The following DCC variants were observed in gnomAD, a reference collection of about 807,000 sequenced individuals.
DCC encodes the protein netrin receptor DCC.
A neutral mutation model predicts 172.5 loss-of-function variants in DCC; 58 were observed. The ratio of observed to expected loss-of-function variants is 0.34; its 90% CI spans 0.27 to 0.42. The LOEUF is 0.42. DCC is among the 10% of genes least tolerant of loss of function. DCC has a pLI of 1.00. For synonymous variants in DCC, 709 were observed against 644.5 expected (o/e 1.10, Z -1.52); for missense variants, 1,740 against 1,791.0 (o/e 0.97, Z 0.51).
rs1244372079 is a variant in DCC at position 52,478,690 on chromosome 18, G to A, written c.91+137812G>A. 2.6e-5 allele frequency among the ~76,000 whole-genome samples: 4 copies of A among 152,314 alleles called. No individual in the cohort carries two copies. In the East Asian group the frequency reaches 7.7e-4, roughly 29 times the overall value. On this transcript the variant is annotated intron_variant, in intron 1 of 28. Coordinates refer to ENST00000442544, the MANE Select transcript of DCC (RefSeq NM_005215.4). Reference sequence around the variant, plus strand: ...CATGGGGGAGCAGACACATAACATAGCCACAGCAGGAGCAGGAGAGATCAT... The same window carrying A: ...CATGGGGGAGCAGACACATAACATAACCACAGCAGGAGCAGGAGAGATCAT...
chr18:53,263,026 G>T (rs1024831179), intron 12 of DCC, among the ~76,000 whole-genome samples: 3 of 152,176 alleles, frequency 2.0e-5, no homozygotes, highest in Non-Finnish European at 2.9e-5. Flanking sequence ...ATAAGAACTG[G>T]ATTTGGGGGT....
At chr18:53,267,278 C>T (rs144568706) in intron 12 of DCC, among the ~76,000 whole-genome samples, 7 of 152,016 alleles carry the variant, frequency 4.6e-5, no homozygotes, top group Non-Finnish European at 8.8e-5. Flanking sequence ...CCTCTACCTC[C>T]TAGGTTCAAG....
chr18:52,651,800 A>G (rs1451832001), intron 1 of DCC, among the ~76,000 whole-genome samples: 1 of 152,148 alleles, frequency 6.6e-6, no homozygotes, highest in Non-Finnish European at 1.5e-5. Flanking sequence ...TCAGTAATGG[A>G]CTTTAAGGAG....
chr18:53,527,514 TATAAA>T (rs1455870165), intron 28 of DCC, among the ~76,000 whole-genome samples: 1 of 151,240 alleles, frequency 6.6e-6, no homozygotes, highest in East Asian at 1.9e-4. Flanking sequence ...AAGGAAAAAA[TATAAA>T]ATAAAAAAAT....
chr18:52,546,274 G>T (rs1568222676), intron 1 of DCC, among the ~76,000 whole-genome samples: 1 of 152,106 alleles, frequency 6.6e-6, no homozygotes, highest in Non-Finnish European at 1.5e-5. Flanking sequence ...GAGTGGTGTT[G>T]ATGGGGATGT....
At chr18:52,755,193 C>T (rs2037059603) in intron 2 of DCC, among the ~76,000 whole-genome samples, 1 of 152,168 alleles carries the variant, frequency 6.6e-6, no homozygotes, top group African/African-American at 2.4e-5. Flanking sequence ...CAGTTGTCCA[C>T]AAGGCCAGAG....
At chr18:52,362,452 C>A (rs185412083) in intron 1 of DCC, among the ~76,000 whole-genome samples, 15 of 152,136 alleles carry the variant, frequency 9.9e-5, no homozygotes. Flanking sequence ...ACAAAAAGAT[C>A]GGGGATAAGT....
At chr18:53,226,053 C>T in intron 12 of DCC, among the ~76,000 whole-genome samples, 1 of 152,126 alleles carries the variant, frequency 6.6e-6, no homozygotes, top group East Asian at 1.9e-4. Context: ...AGAGAGAACA[C>T]TGAGGCTTAG....
chr18:53,395,866 C>T (rs1303155802), intron 17 of DCC, among the ~76,000 whole-genome samples: 1 of 152,152 alleles, frequency 6.6e-6, no homozygotes. Context: ...TAGTCTTGAA[C>T]TCCTGACCTC....
chr18:52,632,801 T>C (rs2034701548), intron 1 of DCC, among the ~76,000 whole-genome samples: 1 of 152,238 alleles, frequency 6.6e-6, no homozygotes, highest in South Asian at 2.1e-4. Flanking sequence ...GTTGTTTATA[T>C]TTCTAAAAGC....
At chr18:53,065,728 T>C (rs1245942806) in intron 6 of DCC, among the ~76,000 whole-genome samples, 6 of 152,204 alleles carry the variant, frequency 3.9e-5, no homozygotes, top group African/African-American at 1.4e-4. Flanking sequence ...CATGGTAATC[T>C]TTGTTGCTTC....
At chr18:53,281,385 C>A (rs2056870099) in intron 12 of DCC, among the ~76,000 whole-genome samples, 1 of 152,138 alleles carries the variant, frequency 6.6e-6, no homozygotes, top group Non-Finnish European at 1.5e-5. Flanking sequence ...ATAAGGTCAA[C>A]ACACACACGC....
chr18:52,495,862 C>T (rs1438464410), intron 1 of DCC, among the ~76,000 whole-genome samples: 1 of 151,228 alleles, frequency 6.6e-6, no homozygotes, highest in Admixed American at 6.6e-5. Flanking sequence ...TCAGGGAATT[C>T]TAACCCTGGC....
chr18:52,832,763 A>G (rs1239338518), intron 2 of DCC, among the ~76,000 whole-genome samples: 3 of 152,184 alleles, frequency 2.0e-5, no homozygotes, highest in Admixed American at 1.3e-4. Flanking sequence ...TTGACTTTGC[A>G]AACAGAATGT....
chr18:53,466,203 A>C (rs2045619294), intron 24 of DCC, among the ~76,000 whole-genome samples: 1 of 152,172 alleles, frequency 6.6e-6, no homozygotes, highest in Admixed American at 6.5e-5. Context: ...CACAGGCATG[A>C]GCTACACACT....
intron 1 of DCC, among the ~76,000 whole-genome samples, chr18:52,685,744 A>G (rs1419879898): frequency 6.6e-6 from 1 of 151,944 alleles, no homozygotes; most frequent in East Asian, 1.9e-4. Flanking sequence ...TATACTGTTC[A>G]AGTACTATTA....
At chr18:52,766,855 C>T (rs937638779) in intron 2 of DCC, among the ~76,000 whole-genome samples, 10 of 151,880 alleles carry the variant, frequency 6.6e-5, no homozygotes, top group Admixed American at 1.3e-4. Flanking sequence ...TTGTCAGGGA[C>T]CGACCCTTTT....
intron 12 of DCC, among the ~76,000 whole-genome samples, chr18:53,304,764 A>T (rs6508219): frequency 0.91 from 138,520 of 152,226 alleles, 63,228 homozygotes; most frequent in African/African-American, 0.97. Flanking sequence ...CTGACTTTTG[A>T]TGTGCTTTTC....
chr18:53,448,466 T>A (rs2145145679), intron 22 of DCC, among the ~76,000 whole-genome samples: 1 of 152,306 alleles, frequency 6.6e-6, no homozygotes, highest in South Asian at 2.1e-4. Flanking sequence ...AACACCCCCA[T>A]GATTAAATTA....
Sources: allele counts gnomAD v4.1 joint callset (sites outside exome capture counted in the v4.1 genomes callset), GRCh38; gene constraint gnomAD v4.1.1; transcripts MANE v1.5; gene names NCBI Gene and HGNC (gene_info 2026-07-23, HGNC 2026-07-21).